The following NR5A1 variants were observed in gnomAD, a reference collection of about 807,000 sequenced individuals.
NR5A1 encodes the protein nuclear receptor subfamily 5 group A member 1.
NR5A1 carries 6 observed loss-of-function variants against 42.7 expected under a neutral mutation model. The ratio of observed to expected loss-of-function variants is 0.14; its 90% confidence interval spans 0.08 to 0.28. The LOEUF is 0.28. NR5A1 is among the 10% of genes least tolerant of loss of function. NR5A1 has a pLI of 1.00. For synonymous variants in NR5A1, 274 were observed against 277.5 expected (o/e 0.99, Z 0.12); for missense variants, 442 against 626.4 (o/e 0.71, Z 3.14).
intron 1 of NR5A1, among the ~76,000 whole-genome samples, chr9:124,504,831 G>T (rs923990398): frequency 1.4e-5 from 2 of 146,406 alleles, no homozygotes; most frequent in African/African-American, 4.9e-5. Context: ...GGGGAGGCGG[G>T]GGCGCGGGGC....
At chr9:124,494,153 G>A (rs983169834) in intron 4 of NR5A1, among the ~76,000 whole-genome samples, 27 of 152,162 alleles carry the variant, frequency 1.8e-4, no homozygotes, top group Non-Finnish European at 5.9e-5. Flanking sequence ...GGCCACCATC[G>A]ACCCAAAAGA....
chr9:124,503,519 G>T lies in NR5A1; in HGVS notation c.-15-109C>A. The T allele has an allele frequency of 1.2e-6, 1 of 859,954 alleles. No homozygotes were observed. The highest frequency in any genetic ancestry group is 1.7e-6 in the Non-Finnish European group (1 of 592,658). The allele number at this position is 859,954 out of a possible 1,614,324, so 53.3% of individuals were successfully genotyped here. A position where few individuals can be genotyped will look rare whatever the true frequency, so the allele number is the denominator to read the frequency against. ...CGGCCCGTCGCGTAATCCCCTCTCT[G>T]TGCCCAGGCGCTGCCGCCGGCACCC... is the stretch of plus-strand genomic sequence containing the variant. On this transcript the variant is annotated intron_variant, in intron 1 of 6. Transcript: ENST00000373588. The surrounding 1 kb of genome is among the most constrained non-coding windows in gnomAD (Gnocchi z 9.6).
At chr9:124,499,330 C>T (rs144747241) in intron 4 of NR5A1, among the ~76,000 whole-genome samples, 16 of 152,276 alleles carry the variant, frequency 1.1e-4, no homozygotes, top group South Asian at 6.2e-4. Context: ...GGTACCTCGA[C>T]CCAGGGGGAA....
At chr9:124,489,508 A>G (rs906691643) in intron 6 of NR5A1, among the ~76,000 whole-genome samples, 1 of 152,246 alleles carries the variant, frequency 6.6e-6, no homozygotes, top group Non-Finnish European at 1.5e-5. Context: ...GCACGCATGC[A>G]GAGACAGACG....
intron 4 of NR5A1, among the ~76,000 whole-genome samples, chr9:124,499,526 C>G (rs1047022730): frequency 1.3e-5 from 2 of 152,178 alleles, no homozygotes; most frequent in African/African-American, 4.8e-5. Context: ...GAATGGCCCA[C>G]AAATGCCCCA....
At chr9:124,483,057 G>C in intron 6 of NR5A1, 52 bp from the exon 7 acceptor site, 1 of 1,610,022 alleles carries the variant, frequency 6.2e-7, no homozygotes, top group South Asian at 1.1e-5. Context: ...TGCCCATCAG[G>C]GCTGGGCCAA....
At chr9:124,492,495 C>A (rs956725463) in intron 5 of NR5A1, among the ~76,000 whole-genome samples, 1 of 152,022 alleles carries the variant, frequency 6.6e-6, no homozygotes, top group Non-Finnish European at 1.5e-5. Context: ...CTCTCTGGAG[C>A]CCTTTGCCCA....
rs1218627045 is a variant in NR5A1, at chr9:124,482,755, G to C, written c.*3C>G. On this transcript the variant is annotated 3_prime_UTR_variant, in exon 7 of 7. Coordinates refer to ENST00000373588, the MANE Select transcript of NR5A1 (RefSeq NM_004959.5). Reference sequence around the variant, plus strand: ...CAGTCCCGGCCCCGCCCCCGGCCCAGGCTCAAGTCTGCTTGGCTTGCAGCA... The same window carrying C: ...CAGTCCCGGCCCCGCCCCCGGCCCACGCTCAAGTCTGCTTGGCTTGCAGCA... 5 of 1,203,504 alleles carry C rather than the reference G, an allele frequency of 4.2e-6. No individual in the cohort carries two copies. The highest frequency in any genetic ancestry group is 1.9e-5 in the African/African-American group (1 of 51,488). 74.6% of individuals were successfully genotyped at this position (1,203,504 alleles called of 1,614,324 possible).
intron 5 of NR5A1, 52 bp downstream of exon 5, chr9:124,492,978 T>C (rs892800744): frequency 3.7e-5 from 56 of 1,513,440 alleles, no homozygotes; most frequent in Non-Finnish European, 4.9e-5. Context: ...ATCCTGGAAG[T>C]GCACAGCGGG....
chr9:124,482,781 T>C lies in NR5A1; in HGVS notation c.1363A>G (p.Met455Val). The change falls in exon 7 of 7, where the codon ATG (methionine) becomes GTG (valine). Residue 455 changes from methionine (M) to valine (V), a missense_variant. Physicochemically the swap from Met to Val is conservative, Grantham distance 21 (BLOSUM62 1). Transcript: ENST00000373588. The stretch of plus-strand genomic sequence containing the variant: ...GCTCAAGTCTGCTTGGCTTGCAGCA[T>C]TTCGATGAGCAGGTTGTTGCGGGGC... ...EMPRNNLLIEMLQAKQT is the reference protein window; with the variant it reads ...EMPRNNLLIEVLQAKQT The C allele has an allele frequency of 7.3e-7, 1 of 1,374,372 alleles. No homozygotes were observed. The highest frequency in any genetic ancestry group is 9.6e-7 in the Non-Finnish European group (1 of 1,037,104). 85.1% of individuals were successfully genotyped at this position (1,374,372 alleles called of 1,614,324 possible).
intron 6 of NR5A1, among the ~76,000 whole-genome samples, chr9:124,483,682 G>T (rs567803211): frequency 2.0e-5 from 3 of 152,126 alleles, no homozygotes; most frequent in Admixed American, 6.5e-5. Flanking sequence ...CTCCATGACC[G>T]TTGCCATCCG....
intron 1 of NR5A1, among the ~76,000 whole-genome samples, chr9:124,504,062 A>AGAGAGAGAGAGAGG (rs1832513097): frequency 6.7e-6 from 1 of 149,730 alleles, no homozygotes; most frequent in African/African-American, 2.5e-5. Flanking sequence ...CGAGAGAGAG[A>AGAGAGAGAGAGAGG]GAGAGAGAGA....
At chr9:124,497,144 C>T (rs938022786) in intron 4 of NR5A1, among the ~76,000 whole-genome samples, 21 of 152,184 alleles carry the variant, frequency 1.4e-4, no homozygotes, top group Non-Finnish European at 2.4e-4. Flanking sequence ...AGGAAGGGTG[C>T]TGCGACCCCA....
In NR5A1 at chr9:124,498,096, C is replaced by T. The variant is rs921333373; in HGVS notation, c.870+1994G>A. Among the ~76,000 whole-genome samples, 2 of 152,212 alleles carry T rather than the reference C, an allele frequency of 1.3e-5. No homozygotes were observed. Among genetic ancestry groups the T allele is most frequent in the African/African-American group, 4.8e-5 (2 of 41,456 alleles). On this transcript the variant is annotated intron_variant, in intron 4 of 6. Coordinates refer to ENST00000373588, the MANE Select transcript of NR5A1 (RefSeq NM_004959.5). This position sits in a 1 kb window ranked among gnomAD's most constrained non-coding sequence, Gnocchi z 4.6. ...CACTCTCAGAGCCAGAGAGCCCCCT[C>T]TTCTGTCTGCTAAGATGTGTCCTGT...
At chr9:124,491,036 C>CCCCCCCCCT in intron 6 of NR5A1, 45 bp downstream of exon 6, 1 of 1,401,600 alleles carries the variant, frequency 7.1e-7, no homozygotes. Flanking sequence ...CCCACCCACC[C>CCCCCCCCCT]GCCTCTGGCT....
intron 6 of NR5A1, among the ~76,000 whole-genome samples, chr9:124,489,559 AC>A (rs1832271551): frequency 6.6e-6 from 1 of 151,532 alleles, no homozygotes; most frequent in Non-Finnish European, 1.5e-5. Context: ...AACCACACAG[AC>A]CCCCACCACG....
intron 3 of NR5A1, among the ~76,000 whole-genome samples, chr9:124,502,516 A>G (rs986383035): frequency 3.3e-5 from 5 of 152,106 alleles, no homozygotes; most frequent in African/African-American, 1.2e-4. Context: ...TTTTATAGAT[A>G]CAAGGTTTCT....
intron 1 of NR5A1, among the ~76,000 whole-genome samples, chr9:124,505,097 C>T (rs1832536833): frequency 6.6e-6 from 1 of 152,096 alleles, no homozygotes. Flanking sequence ...GCACCCTCTC[C>T]GCAGTCCAGC....
chr9:124,491,019 CCACCCTCCCACCCA>C, intron 6 of NR5A1, 48 bp downstream of exon 6: 1 of 483,058 alleles, frequency 2.1e-6, no homozygotes, highest in Non-Finnish European at 3.9e-6. Context: ...CCAGCCTCAC[CCACCCTCCCACCCA>C]CCCGCCTCTG....
Sources: gnomAD v4.1 joint callset for allele counts (sites outside exome capture counted in the v4.1 genomes callset) on GRCh38, gnomAD v4.1.1 for gene constraint, Gnocchi (gnomAD v3.1) non-coding constraint, MANE v1.5 for transcripts, NCBI Gene and HGNC (gene_info 2026-07-23, HGNC 2026-07-21) for gene names.